The following OLAH variants were observed in gnomAD, a reference collection of about 807,000 sequenced individuals.
OLAH encodes the protein S-acyl fatty acid synthase thioesterase, medium chain.
OLAH carries 33 observed loss-of-function variants against 27.8 expected under a neutral mutation model. The observed-to-expected ratio is 1.19, with a 90% confidence interval of 0.90 to 1.59. The LOEUF (loss-of-function observed/expected upper bound fraction) is 1.59. Among genes scored for constraint, OLAH ranks in the 40% most tolerant of loss-of-function variants. OLAH has a pLI of 0.00. For synonymous variants in OLAH, 120 were observed against 102.9 expected, an observed-to-expected ratio of 1.17 and a Z score of -1.01; for missense variants, 359 against 310.8, an observed-to-expected ratio of 1.16 and a Z score of -1.17.
chr10:15,071,935 A>T (rs1359290739), intron 7 of OLAH, 58 bp downstream of exon 7: 183 of 1,141,170 alleles, frequency 1.6e-4, no homozygotes, highest in South Asian at 3.4e-4. Flanking sequence ...TGGCTTTAAA[A>T]TTTTTTTTTT....
upstream of OLAH, among the ~76,000 whole-genome samples, chr10:15,042,999 TA>T (rs1843948067): frequency 6.6e-6 from 1 of 151,802 alleles, no homozygotes. Context: ...TAGCTGGGAC[TA>T]CAGGCGCCCG....
At chr10:15,059,071 T>A (rs1294530798) in intron 3 of OLAH, among the ~76,000 whole-genome samples, 2 of 42,188 alleles carry the variant, frequency 4.7e-5, no homozygotes, top group Admixed American at 2.5e-4. Context: ...TCCTTCCCTC[T>A]CTCCTTCCCT....
At chr10:15,053,643 C>A (rs1442240148) in intron 3 of OLAH, among the ~76,000 whole-genome samples, 1 of 152,142 alleles carries the variant, frequency 6.6e-6, no homozygotes, top group African/African-American at 2.4e-5. Context: ...GGCACTTGAT[C>A]TCTCAAGTCA....
intron 7 of OLAH, among the ~76,000 whole-genome samples, chr10:15,072,364 G>A (rs982262312): frequency 6.6e-6 from 1 of 152,156 alleles, no homozygotes; most frequent in African/African-American, 2.4e-5. Context: ...TGTATTTAGT[G>A]TAAAAGGAGA....
At position 15,061,873 on chromosome 10, in the gene OLAH, T is replaced by G. The variant is rs766223443; in HGVS notation, c.302+11T>G. The G allele has an allele frequency of 1.9e-6, 3 of 1,611,162 alleles. No individual in the cohort carries two copies. The highest frequency in any genetic ancestry group is 2.5e-6 in the Non-Finnish European group (3 of 1,178,832). On this transcript the variant is annotated intron_variant, in intron 4 of 7. Transcript: ENST00000378228. ...ATTTTTTGGCCACAGGTATTTGATATCTGTTTTAAAAGACTTCAGGGGAGT... is the reference window on the plus strand; with the variant it reads ...ATTTTTTGGCCACAGGTATTTGATAGCTGTTTTAAAAGACTTCAGGGGAGT...
upstream of OLAH, among the ~76,000 whole-genome samples, chr10:15,043,107 G>C (rs1024590744): frequency 6.6e-6 from 1 of 151,876 alleles, no homozygotes; most frequent in Non-Finnish European, 1.5e-5. Flanking sequence ...TGATCCACCC[G>C]CCTTGGCCTC....
At chr10:15,036,040 G>A (rs1325021332) in intron 1 of OLAH, among the ~76,000 whole-genome samples, 1 of 152,154 alleles carries the variant, frequency 6.6e-6, no homozygotes, top group East Asian at 1.9e-4. Context: ...GTATATGCCT[G>A]CAATGAGAAA....
Position 15,073,159 on chromosome 10 carries a change from C to T in OLAH, c.728C>T (p.Pro243Leu). 1 of 1,611,212 alleles carries T rather than the reference C, an allele frequency of 6.2e-7. No homozygotes were observed. The highest frequency in any genetic ancestry group is 8.5e-7 in the Non-Finnish European group (1 of 1,177,472). Reference sequence around the variant, plus strand: ...GGGGGTCACTTTTATCTTCTGGATCCTGCGAACGAGAAATTAATCAAGAAC... The same window carrying T: ...GGGGGTCACTTTTATCTTCTGGATCTTGCGAACGAGAAATTAATCAAGAAC... ...LPGGHFYLLD[P>L]ANEKLIKNYI... Residue 243 changes from proline to leucine, a missense_variant, in exon 8 of 8, where the codon CCT becomes CTT. Pro to Leu is a moderately conservative substitution (Grantham distance 98). Coordinates refer to ENST00000378228, the MANE Select transcript of OLAH (RefSeq NM_001039702.3).
At chr10:15,058,647 A>G (rs1262088280) in intron 3 of OLAH, among the ~76,000 whole-genome samples, 4 of 152,224 alleles carry the variant, frequency 2.6e-5, no homozygotes, top group Non-Finnish European at 5.9e-5. Context: ...ATGATAAAAA[A>G]TAATCTTTTA....
intron 7 of OLAH, 74 bp downstream of exon 7, chr10:15,071,951 T>G: frequency 9.0e-7 from 1 of 1,108,660 alleles, no homozygotes. Context: ...TTTTTTCTTT[T>G]GAGACAGAGT....
At chr10:15,068,729 C>T (rs535172308) in intron 6 of OLAH, among the ~76,000 whole-genome samples, 47 of 152,252 alleles carry the variant, frequency 3.1e-4, no homozygotes, top group Middle Eastern at 6.8e-3. Flanking sequence ...AGTTATCATG[C>T]ATAAAAACAG....
chr10:15,049,601 C>A, intron 2 of OLAH, 34 bp from the exon 3 acceptor site: 14 of 1,413,798 alleles, frequency 9.9e-6, no homozygotes, highest in Non-Finnish European at 1.4e-5. Flanking sequence ...AATTGATATA[C>A]ATAATGTTAA....
intron 3 of OLAH, among the ~76,000 whole-genome samples, chr10:15,051,047 G>C (rs1363593933): frequency 6.7e-6 from 1 of 149,122 alleles, no homozygotes; most frequent in Admixed American, 6.7e-5. Context: ...AAATCTGGCT[G>C]ATTTCAAGAC....
chr10:15,032,620 CAA>C lies in OLAH; in HGVS notation c.-164+288_-164+289del, dbSNP rs71390005. Among the ~76,000 whole-genome samples, 553 of 95,630 alleles carry C rather than the reference CAA, an allele frequency of 5.8e-3. 3 individuals carry two copies. The highest frequency in any genetic ancestry group is 0.022 in the African/African-American group (501 of 22,950). 62.7% of individuals were successfully genotyped at this position (95,630 alleles called of 152,430 possible). A position where few individuals can be genotyped will look rare whatever the true frequency, so the allele number is the denominator to read the frequency against. On this transcript the variant is annotated intron_variant, in intron 1 of 3. Transcript: ENST00000413672. ...TGGGCGACAGAGTGAGACTCAGTTT[CAA>C]AAAAAAAAAAAAAAAAAGAAAAACA...
intron 1 of OLAH, among the ~76,000 whole-genome samples, chr10:15,035,338 G>C (rs1843825578): frequency 6.6e-6 from 1 of 152,146 alleles, no homozygotes; most frequent in Non-Finnish European, 1.5e-5. Flanking sequence ...TAATTTATGA[G>C]AAAAGAGACT....
chr10:15,065,219 A>G (rs1276368340), intron 5 of OLAH, among the ~76,000 whole-genome samples: 4 of 152,174 alleles, frequency 2.6e-5, no homozygotes, highest in Non-Finnish European at 5.9e-5. Context: ...TTGAAATGTT[A>G]AAAGGGGACA....
Position 15,053,977 on chromosome 10 carries a change from G to A in OLAH, c.163+4212G>A, listed in dbSNP as rs1175545631. The stretch of plus-strand genomic sequence containing the variant: ...ATTGTACTCAGTCAAGGATTCACCC[G>A]CCTCAACCTCCCAAAGTGCTGGGAT... On this transcript the variant is annotated intron_variant, in intron 3 of 7. Coordinates refer to ENST00000378228, the MANE Select transcript of OLAH (RefSeq NM_001039702.3). 2.6e-5 allele frequency among the ~76,000 whole-genome samples: 4 copies of A among 151,292 alleles called. No homozygotes were observed. The East Asian group carries it at 5.8e-4, about 22-fold the overall frequency.
At chr10:15,068,243 C>T (rs1844505624) in intron 6 of OLAH, among the ~76,000 whole-genome samples, 1 of 152,122 alleles carries the variant, frequency 6.6e-6, no homozygotes, top group African/African-American at 2.4e-5. Context: ...CCACCTTTTC[C>T]ACTAAATCTG....
At chr10:15,057,395 CTTT>C (rs10717821) in intron 3 of OLAH, among the ~76,000 whole-genome samples, 7 of 93,212 alleles carry the variant, frequency 7.5e-5, no homozygotes, top group Admixed American at 1.2e-4. Context: ...TATTTCTGGG[CTTT>C]TTTTTTTTTT....
Sources: gnomAD v4.1 joint callset for allele counts (sites outside exome capture counted in the v4.1 genomes callset) on GRCh38, gnomAD v4.1.1 for gene constraint, MANE v1.5 for transcripts, NCBI Gene and HGNC (gene_info 2026-07-23, HGNC 2026-07-21) for gene names.